Variants in SLC20A2 observed in about 807,000 individuals in gnomAD.
SLC20A2 encodes the protein solute carrier family 20 member 2.
SLC20A2 carries 30 observed loss-of-function variants against 61.0 expected under a neutral mutation model. The observed-to-expected ratio is 0.49, with a 90% CI of 0.37 to 0.67. The LOEUF (loss-of-function observed/expected upper bound fraction) is 0.67. SLC20A2 is among the 30% of genes least tolerant of loss of function. The probability of loss-of-function intolerance (pLI) is 0.00; values close to 1 mark genes in which losing one functional copy is unlikely to be tolerated. For missense variants in SLC20A2, 626 were observed against 866.4 expected (o/e 0.72, Z 3.48); for synonymous variants, 351 against 353.3 (o/e 0.99, Z 0.07).
intron 1 of SLC20A2, among the ~76,000 whole-genome samples, chr8:42,528,354 C>A (rs1214353607): frequency 6.6e-6 from 1 of 151,552 alleles, no homozygotes; most frequent in Non-Finnish European, 1.5e-5. Flanking sequence ...CCCAGCTACG[C>A]AGGAGGCTGA....
chr8:42,501,966 G>C (rs10087350), upstream of SLC20A2, among the ~76,000 whole-genome samples: 1 of 151,962 alleles, frequency 6.6e-6, no homozygotes, highest in Non-Finnish European at 1.5e-5. Context: ...ACTTTCTCTC[G>C]AAAATATAAG....
intron 1 of SLC20A2, among the ~76,000 whole-genome samples, chr8:42,508,121 G>A (rs1810821096): frequency 6.6e-6 from 1 of 152,028 alleles, no homozygotes; most frequent in South Asian, 2.1e-4. Context: ...CCAAGATCGT[G>A]CCACTGCACT....
chr8:42,442,429 G>C (rs1039118297), intron 6 of SLC20A2, among the ~76,000 whole-genome samples: 6 of 152,014 alleles, frequency 3.9e-5, no homozygotes, highest in Admixed American at 6.6e-5. Context: ...TTGGCATATG[G>C]ATGTCAAGTG....
At chr8:42,458,920 A>G (rs1473929294) in intron 5 of SLC20A2, among the ~76,000 whole-genome samples, 1 of 148,384 alleles carries the variant, frequency 6.7e-6, no homozygotes, top group East Asian at 2.0e-4. Flanking sequence ...AAAATAAAAT[A>G]AAATAAAAAA....
chr8:42,535,887 C>G (rs751762040), intron 1 of SLC20A2, among the ~76,000 whole-genome samples: 8 of 152,148 alleles, frequency 5.3e-5, no homozygotes, highest in Non-Finnish European at 7.3e-5. Flanking sequence ...CTGTACATTC[C>G]TAGTTAAAGA....
chr8:42,456,559 C>G (rs1023417446), intron 5 of SLC20A2, among the ~76,000 whole-genome samples: 1 of 151,942 alleles, frequency 6.6e-6, no homozygotes, highest in African/African-American at 2.4e-5. Flanking sequence ...AGCAAAACCC[C>G]GTCTCTACTA....
At chr8:42,496,828 T>C (rs1201919975) in intron 1 of SLC20A2, among the ~76,000 whole-genome samples, 1 of 152,176 alleles carries the variant, frequency 6.6e-6, no homozygotes, top group East Asian at 1.9e-4. Context: ...TGAAATGGGC[T>C]GTGTGAAGAC....
intron 6 of SLC20A2, among the ~76,000 whole-genome samples, 191 bp downstream of exon 6, chr8:42,444,455 C>T (rs1263217604): frequency 2.6e-5 from 4 of 152,150 alleles, no homozygotes; most frequent in African/African-American, 9.7e-5. Context: ...TTGCTGCCCA[C>T]CTGGGTTACA....
chr8:42,465,362 A>G lies in SLC20A2; in HGVS notation c.430+415T>C, dbSNP rs189693162. On this transcript the variant is annotated intron_variant, in intron 3 of 10. Coordinates refer to ENST00000520262, the MANE Select transcript of SLC20A2 (RefSeq NM_001257180.2). ...GTGAGCCACCATGTCTGGCCCATCT[A>G]GGTCTTTTAAACCTTAACATTTGAA... Among the ~76,000 whole-genome samples the G allele has an allele frequency of 2.5e-4, 38 of 151,856 alleles. 1 individual carries two copies. In the East Asian group the frequency reaches 6.9e-3, roughly 28 times the overall value.
Position 42,437,484 on chromosome 8 carries a change from A to G in SLC20A2, c.1028T>C (p.Val343Ala). 6.2e-7 allele frequency: 1 copy of G among 1,614,122 alleles called. No homozygotes were observed. The highest frequency in any genetic ancestry group is 8.5e-7 in the Non-Finnish European group (1 of 1,180,020). ...CGAGTCTTTGTGCACGGTGTGGTAC[A>G]CATGACCGTCGCTCCTGGTGTGGCC... ...FDGHTRSDGHVYHTVHKDSGL... is the reference protein window; with the variant it reads ...FDGHTRSDGHAYHTVHKDSGL... Residue 343 changes from valine to alanine, a missense_variant, in exon 8 of 11, where the codon GTG (valine) becomes GCG (alanine). Physicochemically the swap from Val to Ala is moderately conservative, Grantham distance 64. Transcript: ENST00000520262. This position sits in a 1 kb window ranked among gnomAD's most constrained non-coding sequence, Gnocchi z 6.4.
intron 1 of SLC20A2, among the ~76,000 whole-genome samples, chr8:42,495,452 C>T (rs941801644): frequency 1.3e-5 from 2 of 152,142 alleles, no homozygotes; most frequent in African/African-American, 4.8e-5. Flanking sequence ...TGGGGAGACA[C>T]GTCGATCTTA....
intron 8 of SLC20A2, among the ~76,000 whole-genome samples, chr8:42,434,719 T>C (rs1348396802): frequency 6.6e-6 from 1 of 152,052 alleles, no homozygotes; most frequent in Non-Finnish European, 1.5e-5. Flanking sequence ...TCAGATGACT[T>C]CTAGAATGGT....
intron 1 of SLC20A2, among the ~76,000 whole-genome samples, chr8:42,522,370 A>G (rs1369162204): frequency 8.2e-6 from 1 of 122,038 alleles, no homozygotes; most frequent in African/African-American, 2.5e-5. Flanking sequence ...ACAATTTCAA[A>G]GCAAAAAGGG....
intron 1 of SLC20A2, chr8:42,541,634 G>T (rs955091734): frequency 6.7e-6 from 1 of 149,186 alleles, no homozygotes; most frequent in African/African-American, 2.4e-5. Flanking sequence ...CCGCGCGCCC[G>T]GCCCCGACTC....
At chr8:42,467,869 C>T (rs1267280563) in intron 2 of SLC20A2, among the ~76,000 whole-genome samples, 2 of 151,820 alleles carry the variant, frequency 1.3e-5, no homozygotes, top group Admixed American at 6.6e-5. Context: ...GTTTGGAGCA[C>T]GTTTCATAGC....
At chr8:42,473,546 C>T (rs1243074897) in intron 1 of SLC20A2, among the ~76,000 whole-genome samples, 3 of 152,148 alleles carry the variant, frequency 2.0e-5, no homozygotes, top group Admixed American at 1.3e-4. Flanking sequence ...CAAATATCAC[C>T]GTTAAGAGAG....
intron 6 of SLC20A2, among the ~76,000 whole-genome samples, chr8:42,443,932 G>C (rs973460683): frequency 6.6e-6 from 1 of 152,216 alleles, no homozygotes; most frequent in South Asian, 2.1e-4. Context: ...TCAGTATCAC[G>C]GCTGTAGGAT....
intron 6 of SLC20A2, among the ~76,000 whole-genome samples, chr8:42,442,449 C>T (rs1323952929): frequency 6.6e-6 from 1 of 152,010 alleles, no homozygotes; most frequent in Non-Finnish European, 1.5e-5. Context: ...GTTCCAAAAC[C>T]ATTTGTTGAA....
At chr8:42,537,072 T>C (rs6474402) in intron 1 of SLC20A2, among the ~76,000 whole-genome samples, 148,307 of 148,594 alleles carry the variant, frequency 1, 74,010 homozygotes, top group Middle Eastern at 1. Context: ...CGGAGTCTGT[T>C]TAAAAAAAAA....
Sources: gnomAD v4.1 joint callset for allele counts (sites outside exome capture counted in the v4.1 genomes callset) on GRCh38, gnomAD v4.1.1 for gene constraint, Gnocchi (gnomAD v3.1) non-coding constraint, MANE v1.5 for transcripts, NCBI Gene and HGNC (gene_info 2026-07-23, HGNC 2026-07-21) for gene names.